Variants in UQCRH observed in about 807,000 individuals in gnomAD.
UQCRH encodes ubiquinol-cytochrome c reductase hinge protein, also known as cytochrome b-c1 complex subunit 6, mitochondrial.
Under a neutral mutation model 16.3 loss-of-function variants are expected in UQCRH, and 14 were observed. That is an observed-to-expected ratio of 0.86 (90% CI 0.57 to 1.34). The LOEUF (loss-of-function observed/expected upper bound fraction) is 1.34. Ranked by LOEUF, UQCRH falls within the 40% of genes most tolerant of loss-of-function variation. The probability of loss-of-function intolerance (pLI) is 0.00; values close to 1 mark genes in which losing one functional copy is unlikely to be tolerated. For synonymous variants in UQCRH, 41 were observed against 41.9 expected (o/e 0.98, Z 0.08); for missense variants, 89 against 111.9 (o/e 0.80, Z 0.92).
intron 3 of UQCRH, among the ~76,000 whole-genome samples, chr1:46,310,794 G>A (rs974193353): frequency 2.0e-5 from 3 of 152,080 alleles, no homozygotes; most frequent in Non-Finnish European, 2.9e-5. Flanking sequence ...TGCCTAGGGC[G>A]CGGTGGCTCA....
At chr1:46,313,414 G>A (rs1661517899) in intron 3 of UQCRH, among the ~76,000 whole-genome samples, 1 of 151,824 alleles carries the variant, frequency 6.6e-6, no homozygotes, top group Admixed American at 6.6e-5. Flanking sequence ...GGATCATGAG[G>A]TCAGGAGATC....
chr1:46,314,364 CAAAA>C (rs59435183), intron 3 of UQCRH, among the ~76,000 whole-genome samples: 5 of 73,046 alleles, frequency 6.8e-5, no homozygotes, highest in Admixed American at 5.3e-4. Context: ...GACTCCGTCT[CAAAA>C]AAAAAAAAAA....
intron 1 of UQCRH, among the ~76,000 whole-genome samples, chr1:46,307,888 C>T (rs1019138504): frequency 6.6e-6 from 1 of 152,138 alleles, no homozygotes; most frequent in African/African-American, 2.4e-5. Flanking sequence ...TTCCTCCTAA[C>T]TTGGTTTGGG....
Position 46,309,182 on chromosome 1 carries a change from A to T in UQCRH, c.81+55A>T. On this transcript the variant is annotated intron_variant, in intron 2 of 3. Coordinates refer to ENST00000311672, the MANE Select transcript of UQCRH (RefSeq NM_006004.4). ...TCAGTAAAAGCAGGGTTTGAGCTTC[A>T]TGAAATTCTAAGGGCATTTTAAGGA... is the stretch of plus-strand genomic sequence containing the variant. 4 of 1,586,140 alleles carry T rather than the reference A, an allele frequency of 2.5e-6. No homozygotes were observed. The Admixed American group carries it at 7.6e-5, about 30-fold the overall frequency.
chr1:46,308,183 A>G (rs1661408675), intron 1 of UQCRH, among the ~76,000 whole-genome samples: 1 of 152,200 alleles, frequency 6.6e-6, no homozygotes, highest in Non-Finnish European at 1.5e-5. Context: ...GATTCGTTTT[A>G]ACCAAGTATG....
At chr1:46,309,866 G>C (rs1204319004) in intron 2 of UQCRH, 1 of 1,345,090 alleles carries the variant, frequency 7.4e-7, no homozygotes, top group Admixed American at 3.1e-5. Context: ...TTCAAGTTTG[G>C]CCAGGTTTCC....
chr1:46,313,391 G>C (rs1041335003), intron 3 of UQCRH, among the ~76,000 whole-genome samples: 1 of 152,314 alleles, frequency 6.6e-6, no homozygotes, highest in South Asian at 2.1e-4. Flanking sequence ...CCCTTTGGGA[G>C]GCGGAGGCGG....
intron 3 of UQCRH, among the ~76,000 whole-genome samples, chr1:46,314,378 AAAAG>A (rs1661539694): frequency 6.6e-6 from 1 of 151,886 alleles, no homozygotes; most frequent in South Asian, 2.1e-4. Flanking sequence ...AAAAAAAAAA[AAAAG>A]AGAAGGGGCT....
At chr1:46,306,381 T>TTG (rs1491538230) in intron 1 of UQCRH, among the ~76,000 whole-genome samples, 2 of 79,400 alleles carry the variant, frequency 2.5e-5, no homozygotes, top group African/African-American at 4.1e-5. Flanking sequence ...ACTTTTTCAG[T>TTG]TTTTTTTTTT....
chr1:46,311,021 T>C (rs971759924), intron 3 of UQCRH, among the ~76,000 whole-genome samples: 2 of 150,896 alleles, frequency 1.3e-5, no homozygotes, highest in African/African-American at 4.9e-5. Context: ...TGAGCCGAGA[T>C]TGCGCCACTG....
intron 3 of UQCRH, among the ~76,000 whole-genome samples, chr1:46,314,052 AT>A (rs1308815388): frequency 6.6e-6 from 1 of 152,156 alleles, no homozygotes; most frequent in African/African-American, 2.4e-5. Context: ...TGCTTTGTAT[AT>A]ACAATGGGAT....
At chr1:46,308,281 A>G (rs1028453249) in intron 1 of UQCRH, among the ~76,000 whole-genome samples, 2 of 152,172 alleles carry the variant, frequency 1.3e-5, no homozygotes, top group African/African-American at 2.4e-5. Context: ...ATGCCACACA[A>G]AAAAATGCAG....
At chr1:46,315,510 C>G (rs778455524) in intron 3 of UQCRH, among the ~76,000 whole-genome samples, 2 of 148,210 alleles carry the variant, frequency 1.3e-5, no homozygotes, top group South Asian at 4.2e-4. Flanking sequence ...AGGAGAATCA[C>G]TTGAACCCGG....
At chr1:46,309,190 C>G in intron 2 of UQCRH, 63 bp downstream of exon 2, 1 of 1,574,482 alleles carries the variant, frequency 6.4e-7, no homozygotes, top group Non-Finnish European at 8.6e-7. Context: ...TCATGAAATT[C>G]TAAGGGCATT....
chr1:46,308,482 A>G (rs1569686194), intron 1 of UQCRH, among the ~76,000 whole-genome samples: 1 of 152,268 alleles, frequency 6.6e-6, no homozygotes, highest in South Asian at 2.1e-4. Flanking sequence ...TAGTTGTCCT[A>G]TATTTGTCCC....
chr1:46,311,707 C>T (rs1439980778), intron 3 of UQCRH, among the ~76,000 whole-genome samples: 1 of 144,768 alleles, frequency 6.9e-6, no homozygotes, highest in African/African-American at 2.6e-5. Context: ...ATTCTCTTGC[C>T]TCTGCCTCCC....
chr1:46,305,709 C>G (rs1569681161), intron 1 of UQCRH, among the ~76,000 whole-genome samples: 1 of 150,150 alleles, frequency 6.7e-6, no homozygotes. Flanking sequence ...CAAGGTCGCG[C>G]CACTGCACTC....
At chr1:46,313,820 G>A (rs1405801222) in intron 3 of UQCRH, among the ~76,000 whole-genome samples, 1 of 149,746 alleles carries the variant, frequency 6.7e-6, no homozygotes, top group Non-Finnish European at 1.5e-5. Flanking sequence ...CAGCCTGGGT[G>A]ACAGACTGAG....
intron 3 of UQCRH, among the ~76,000 whole-genome samples, chr1:46,313,152 A>G (rs1661510996): frequency 6.6e-6 from 1 of 152,186 alleles, no homozygotes; most frequent in African/African-American, 2.4e-5. Flanking sequence ...ACAAATGTTC[A>G]TAGAAGCATT....
Sources: allele counts gnomAD v4.1 joint callset (sites outside exome capture counted in the v4.1 genomes callset), GRCh38; gene constraint gnomAD v4.1.1; transcripts MANE v1.5; gene names NCBI Gene and HGNC (gene_info 2026-07-23, HGNC 2026-07-21).